SI: variants seen among roughly 807,000 people sequenced by gnomAD.
SI encodes sucrase-isomaltase.
In SI, 235 loss-of-function variants were observed where a neutral mutation model predicts 253.3. The observed-to-expected ratio is 0.93, with a 90% confidence interval of 0.83 to 1.03. SI has a LOEUF of 1.03. Ranked by LOEUF, SI falls within the 50% of genes least tolerant of loss-of-function variation. The pLI, the probability that SI is intolerant of heterozygous loss-of-function variation, is 0.00. For synonymous variants in SI, 819 were observed against 712.0 expected (o/e 1.15, Z -2.39); for missense variants, 2,442 against 2,211.1 (o/e 1.10, Z -2.09).
At chr3:165,012,638 G>A in intron 34 of SI, among the ~76,000 whole-genome samples, 1 of 151,938 alleles carries the variant, frequency 6.6e-6, no homozygotes, top group Middle Eastern at 3.2e-3. Context: ...CACCATGTTA[G>A]CCAGGATGGT....
At chr3:165,070,397 T>C (rs1030497643) in intron 3 of SI, among the ~76,000 whole-genome samples, 2 of 147,742 alleles carry the variant, frequency 1.4e-5, no homozygotes, top group East Asian at 2.0e-4. Context: ...TATGTATTTA[T>C]ATATTTATAC....
chr3:165,028,744 G>A (rs1712063209), intron 25 of SI, among the ~76,000 whole-genome samples: 1 of 151,088 alleles, frequency 6.6e-6, no homozygotes, highest in South Asian at 2.1e-4. Context: ...ACATGCAGGA[G>A]AATAAAACTA....
intron 12 of SI, among the ~76,000 whole-genome samples, chr3:165,058,513 CAA>C (rs922517011): frequency 4.0e-5 from 6 of 151,584 alleles, no homozygotes; most frequent in Non-Finnish European, 7.4e-5. Flanking sequence ...AAAATATAAA[CAA>C]AGTCAACTAA....
At chr3:165,035,637 G>T (rs1482553146) in intron 22 of SI, among the ~76,000 whole-genome samples, 1 of 151,102 alleles carries the variant, frequency 6.6e-6, no homozygotes, top group Non-Finnish European at 1.5e-5. Flanking sequence ...TTTGTACAAG[G>T]ATATTCCTTA....
intron 16 of SI, among the ~76,000 whole-genome samples, chr3:165,045,995 G>T (rs760840301): frequency 6.6e-6 from 1 of 151,170 alleles, no homozygotes; most frequent in Non-Finnish European, 1.5e-5. Context: ...CATCATGCCC[G>T]TCTTTTGGTA....
At chr3:165,017,077 A>G (rs1223634981) in intron 31 of SI, among the ~76,000 whole-genome samples, 1 of 151,976 alleles carries the variant, frequency 6.6e-6, no homozygotes, top group Non-Finnish European at 1.5e-5. Flanking sequence ...GATACTTTGG[A>G]ATACTTAGCT....
intron 9 of SI, among the ~76,000 whole-genome samples, chr3:165,061,800 C>T (rs1334950589): frequency 6.6e-6 from 1 of 151,894 alleles, no homozygotes; most frequent in African/African-American, 2.4e-5. Flanking sequence ...CTCAGGTATA[C>T]AAGATGTTAC....
chr3:164,980,276 T>C (rs6767343), intron 47 of SI, among the ~76,000 whole-genome samples: 7,248 of 152,016 alleles, frequency 0.048, 592 homozygotes, highest in African/African-American at 0.17. Flanking sequence ...AATAATTGAG[T>C]ATTCGTTAGA....
At chr3:165,041,531 A>G (rs1712836279) in intron 17 of SI, among the ~76,000 whole-genome samples, 3 of 152,016 alleles carry the variant, frequency 2.0e-5, no homozygotes, top group South Asian at 4.1e-4. Context: ...TATGTGACAC[A>G]CTAAAGCAGA....
chr3:164,994,848 A>G (rs1045899317), intron 40 of SI, among the ~76,000 whole-genome samples: 2 of 151,698 alleles, frequency 1.3e-5, no homozygotes, highest in Non-Finnish European at 2.9e-5. Flanking sequence ...AGATTATGGT[A>G]CTAAAGAATA....
rs1714181552 is a variant in SI, at chr3:165,065,297, T to G, written c.771A>C (p.Thr257=). 1.9e-6 allele frequency: 3 copies of G among 1,608,358 alleles called. No homozygotes were observed. Among genetic ancestry groups the G allele is most frequent in the African/African-American group, 2.7e-5 (2 of 74,568 alleles). ...GTTGGTCTCGAGTAAAAATTGGCCA[T>G]GTTTTCCAGGATAAATCATGACGAA... is the stretch of plus-strand genomic sequence containing the variant. ...KRFRHDLSWK[T]WPIFTRDQLP... Residue 257 remains threonine (T), a synonymous_variant, in exon 7 of 48, where the codon ACA becomes ACC. Transcript: ENST00000264382.
At chr3:165,001,382 G>A (rs1576877795) in intron 37 of SI, among the ~76,000 whole-genome samples, 1 of 151,294 alleles carries the variant, frequency 6.6e-6, no homozygotes, top group East Asian at 1.9e-4. Flanking sequence ...GTATTTGTTA[G>A]AAATATAAAT....
At position 165,016,219 on chromosome 3, in the gene SI, T is replaced by A. The variant is rs192993649; in HGVS notation, c.3760-139A>T. 598 of 754,372 alleles carry A rather than the reference T, an allele frequency of 7.9e-4. 5 individuals carry two copies. The highest frequency in any genetic ancestry group is 1.0e-4 in the Non-Finnish European group (44 of 431,500). The allele number at this position is 754,372 out of a possible 1,614,324, so 46.7% of individuals were successfully genotyped here. A position where few individuals can be genotyped will look rare whatever the true frequency, so the allele number is the denominator to read the frequency against. Reference sequence around the variant, plus strand: ...CTAGATCCTAAAAAGAATTAAATGGTTTAGTGTTCAAGGAATAAAAGTAGC... The same window carrying A: ...CTAGATCCTAAAAAGAATTAAATGGATTAGTGTTCAAGGAATAAAAGTAGC... On this transcript the variant is annotated intron_variant, in intron 31 of 47. Transcript: ENST00000264382.
intron 40 of SI, 32 bp from the exon 41 acceptor site, chr3:164,994,437 C>T (rs1717918453): frequency 1.2e-6 from 2 of 1,605,846 alleles, no homozygotes; most frequent in South Asian, 2.2e-5. Flanking sequence ...TAGTTATAAG[C>T]TTTGGTCCTT....
chr3:165,046,314 T>C (rs1346467903), intron 16 of SI, among the ~76,000 whole-genome samples: 3 of 152,104 alleles, frequency 2.0e-5, no homozygotes, highest in Non-Finnish European at 4.4e-5. Flanking sequence ...TTGGATGCTA[T>C]GTTTTTGTTT....
At chr3:165,069,253 C>A in intron 3 of SI, 58 bp from the exon 4 acceptor site, 1 of 1,125,846 alleles carries the variant, frequency 8.9e-7, no homozygotes, top group South Asian at 1.3e-5. Flanking sequence ...ATGTCCCAGT[C>A]TCTGTTTTTC....
In SI at chr3:165,036,295, C is replaced by A. The variant is rs1390722079; in HGVS notation, c.2515+94G>T. The A allele has an allele frequency of 1.2e-4, 96 of 806,574 alleles. 1 individual carries two copies. The East Asian group carries it at 2.5e-3, about 21-fold the overall frequency. 50.0% of individuals were successfully genotyped at this position (806,574 alleles called of 1,614,324 possible). A position where few individuals can be genotyped will look rare whatever the true frequency, so the allele number is the denominator to read the frequency against. On this transcript the variant is annotated intron_variant, in intron 22 of 47. Transcript: ENST00000264382. ...ACATTAGGAATTAAAAATAAAAATT[C>A]GTGATATTTAAAAAATGATACAACC... is the stretch of plus-strand genomic sequence containing the variant.
intron 3 of SI, among the ~76,000 whole-genome samples, chr3:165,070,864 A>G (rs1714527766): frequency 6.6e-6 from 1 of 152,094 alleles, no homozygotes; most frequent in Non-Finnish European, 1.5e-5. Context: ...TCCTAACTCA[A>G]GGTGTCAGCA....
chr3:164,979,702 G>T (rs1400268112), intron 47 of SI, among the ~76,000 whole-genome samples: 1 of 151,666 alleles, frequency 6.6e-6, no homozygotes, highest in East Asian at 1.9e-4. Flanking sequence ...CAATTTTATT[G>T]ATTTCTATGA....
Sources: gnomAD v4.1 joint callset for allele counts (sites outside exome capture counted in the v4.1 genomes callset) on GRCh38, gnomAD v4.1.1 for gene constraint, MANE v1.5 for transcripts, NCBI Gene and HGNC (gene_info 2026-07-23, HGNC 2026-07-21) for gene names.